Variants in RPAIN observed in about 807,000 individuals in gnomAD.
The protein encoded by RPAIN is RPA interacting protein.
RPAIN carries 29 observed loss-of-function variants against 30.5 expected under a neutral mutation model. The observed-to-expected ratio is 0.95, with a 90% confidence interval of 0.71 to 1.30. The LOEUF (loss-of-function observed/expected upper bound fraction) is 1.30. RPAIN is among the 50% of genes most tolerant of loss of function. The pLI is 0.00. For missense variants in RPAIN, 247 were observed against 264.7 expected, an observed-to-expected ratio of 0.93 and a Z score of 0.46; for synonymous variants, 101 against 93.5, an observed-to-expected ratio of 1.08 and a Z score of -0.46.
chr17:5,426,387 T>C (rs1211362724), intron 5 of RPAIN, 88 bp downstream of exon 5: 12 of 1,126,386 alleles, frequency 1.1e-5, no homozygotes, highest in Admixed American at 1.7e-5. Context: ...TTGGAGCCCA[T>C]TGTGCATATT....
chr17:5,422,218 C>G (rs1300768131), intron 2 of RPAIN, among the ~76,000 whole-genome samples: 3 of 152,138 alleles, frequency 2.0e-5, no homozygotes, highest in African/African-American at 7.2e-5. Flanking sequence ...TTCAGTTTGC[C>G]TCTTTGAGGT....
At chr17:5,432,377 C>T in intron 6 of RPAIN, 165 bp from the exon 7 acceptor site, 1 of 642,568 alleles carries the variant, frequency 1.6e-6, no homozygotes, top group South Asian at 1.9e-5. Context: ...TCCAGCAATG[C>T]CAAAGAGGGG....
chr17:5,432,443 T>G lies in RPAIN; in HGVS notation c.631-99T>G. The G allele has an allele frequency of 3.6e-6, 4 of 1,118,984 alleles. No individual in the cohort carries two copies. In the Admixed American group the frequency reaches 6.9e-5, roughly 19 times the overall value. The allele number at this position is 1,118,984 out of a possible 1,614,324, so 69.3% of individuals were successfully genotyped here. A position where few individuals can be genotyped will look rare whatever the true frequency, so the allele number is the denominator to read the frequency against. The stretch of plus-strand genomic sequence containing the variant: ...TAATTGAAACTGGACTCAGGAGACC[T>G]CATCTAATGTGTAGAATTCTCATTG... On this transcript the variant is annotated intron_variant, in intron 6 of 6. Coordinates refer to ENST00000381209, the MANE Select transcript of RPAIN (RefSeq NM_001033002.4).
At chr17:5,426,602 A>C in intron 5 of RPAIN, 2 of 285,852 alleles carry the variant, frequency 7.0e-6, no homozygotes, top group Non-Finnish European at 1.3e-5. Context: ...TTTTCTATAT[A>C]TGAAGACATA....
rs896402878 is a variant in RPAIN, at chr17:5,426,479, G to A, written c.489+180G>A. On this transcript the variant is annotated intron_variant, in intron 5 of 6. Transcript: ENST00000381209. ...GAGAATATCTATGGCATGAAAATTG[G>A]CAAACAGTACACATCAGAGCCTTTA... is the stretch of plus-strand genomic sequence containing the variant. 2.8e-5 allele frequency: 18 copies of A among 644,332 alleles called. No individual in the cohort carries two copies. The African/African-American group carries it at 2.9e-4, about 10-fold the overall frequency. 39.9% of individuals were successfully genotyped at this position (644,332 alleles called of 1,614,324 possible).
Position 5,432,589 on chromosome 17 carries a change from A to G in RPAIN, c.*18A>G. 2.5e-6 allele frequency: 4 copies of G among 1,612,608 alleles called. No homozygotes were observed. The highest frequency in any genetic ancestry group is 2.2e-5 in the East Asian group (1 of 44,882). ...TCCTCTAGAGCCAGCTTGGACTCAC[A>G]TCATTCTATGGGGTTGAAGACAACT... On this transcript the variant is annotated 3_prime_UTR_variant, in exon 7 of 7. Transcript: ENST00000381209.
In RPAIN at chr17:5,428,165, T is replaced by A; in HGVS notation, c.584T>A (p.Val195Asp). 1 of 1,614,174 alleles carries A rather than the reference T, an allele frequency of 6.2e-7. No homozygotes were observed. The highest frequency in any genetic ancestry group is 8.5e-7 in the Non-Finnish European group (1 of 1,180,026). Reference sequence around the variant, plus strand: ...TGTCCCCACACACCTGAATTTTCAGTCACTGGAGGAACAGAAGAAAAGTCC... The same window carrying A: ...TGTCCCCACACACCTGAATTTTCAGACACTGGAGGAACAGAAGAAAAGTCC... The part of the protein sequence containing the change: ...AHCPHTPEFS[V>D]TGGTEEKSSL... The change falls in exon 6 of 7, where the codon GTC (valine) becomes GAC (aspartate). Residue 195 changes from valine to aspartate, a missense_variant. Transcript: ENST00000381209.
chr17:5,422,882 T>C, intron 3 of RPAIN, 53 bp downstream of exon 3: 1 of 1,378,326 alleles, frequency 7.3e-7, no homozygotes, highest in Non-Finnish European at 1.0e-6. Context: ...TGGAATACTG[T>C]GACCTTTCCT....
rs1915026134 is a variant in RPAIN, at chr17:5,423,028, T to G, written c.313+199T>G. On this transcript the variant is annotated intron_variant, in intron 3 of 6. Transcript: ENST00000381209. Reference sequence around the variant, plus strand: ...GTCTCCAGGGTGCTAGACCTTGTGCTAAGAACTTCTCATTTAATGATGCTG... The same window carrying G: ...GTCTCCAGGGTGCTAGACCTTGTGCGAAGAACTTCTCATTTAATGATGCTG... 1.9e-5 allele frequency: 9 copies of G among 477,010 alleles called. No homozygotes were observed. The South Asian group carries it at 3.6e-4, about 19-fold the overall frequency. The allele number at this position is 477,010 out of a possible 1,614,324, so 29.5% of individuals were successfully genotyped here.
At chr17:5,424,012 G>A (rs1248988613) in intron 3 of RPAIN, among the ~76,000 whole-genome samples, 1 of 146,682 alleles carries the variant, frequency 6.8e-6, no homozygotes, top group African/African-American at 2.5e-5. Flanking sequence ...TTTTGAGATA[G>A]GTTCTTGCTC....
At chr17:5,431,680 G>A (rs1915967499) in intron 6 of RPAIN, 2 of 454,412 alleles carry the variant, frequency 4.4e-6, no homozygotes, top group African/African-American at 2.0e-5. Flanking sequence ...AGATGGCTGA[G>A]GATGTGTTGA....
At position 5,420,188 on chromosome 17, in the gene RPAIN, G is replaced by T. The variant is rs750747798; in HGVS notation, c.-23G>T. On this transcript the variant is annotated 5_prime_UTR_variant, in exon 1 of 7. Transcript: ENST00000381209. ...GCGCCTCCAGGGAACGGGTCTTGTG[G>T]CTTTGTCTCCCGCGAAGAGGAGATG... 6.2e-6 allele frequency: 10 copies of T among 1,612,572 alleles called. No homozygotes were observed. The highest frequency in any genetic ancestry group is 1.7e-5 in the Admixed American group (1 of 59,918).
At chr17:5,427,639 C>G (rs4790772) in intron 5 of RPAIN, 43,387 of 158,020 alleles carry the variant, frequency 0.27, 7,308 homozygotes, top group East Asian at 0.82. Flanking sequence ...CTACTTATCA[C>G]TATAAAAATA....
chr17:5,430,573 G>A (rs1489920875), intron 6 of RPAIN: 1 of 152,244 alleles, frequency 6.6e-6, no homozygotes, highest in Non-Finnish European at 1.5e-5. Context: ...TGGCAGAGGG[G>A]AACTGGCCAG....
At chr17:5,429,661 A>T (rs1674714908) in intron 6 of RPAIN, 2 of 985,304 alleles carry the variant, frequency 2.0e-6, no homozygotes, top group African/African-American at 3.5e-5. Context: ...CTTCCTGTTG[A>T]CTACAAGCAT....
In RPAIN at chr17:5,432,751, G is replaced by T; in HGVS notation, c.*180G>T. ...GTCTTTTGTGACGCAGGTTGAAGGG[G>T]GAGGAATAGAAAAAGACAAACTGCC... On this transcript the variant is annotated 3_prime_UTR_variant, in exon 7 of 7. Coordinates refer to ENST00000381209, the MANE Select transcript of RPAIN (RefSeq NM_001033002.4). 2 of 763,882 alleles carry T rather than the reference G, an allele frequency of 2.6e-6. No individual in the cohort carries two copies. The highest frequency in any genetic ancestry group is 4.0e-6 in the Non-Finnish European group (2 of 494,936). 47.3% of individuals were successfully genotyped at this position (763,882 alleles called of 1,614,324 possible).
chr17:5,423,746 G>C (rs987270752), intron 3 of RPAIN, among the ~76,000 whole-genome samples: 1 of 151,962 alleles, frequency 6.6e-6, no homozygotes, highest in African/African-American at 2.4e-5. Context: ...GATTTGATTA[G>C]GCCTTGTTTG....
chr17:5,431,546 A>T, intron 6 of RPAIN: 2 of 442,706 alleles, frequency 4.5e-6, no homozygotes, highest in Non-Finnish European at 9.0e-6. Context: ...CTTGAGTTCA[A>T]CATTTGGAAA....
chr17:5,424,343 C>G (rs1251620398), intron 3 of RPAIN, among the ~76,000 whole-genome samples: 2 of 152,124 alleles, frequency 1.3e-5, no homozygotes, highest in African/African-American at 4.8e-5. Flanking sequence ...GTTGCCTAGG[C>G]TGGTCTCAAA....
Sources: allele counts gnomAD v4.1 joint callset (sites outside exome capture counted in the v4.1 genomes callset), GRCh38; gene constraint gnomAD v4.1.1; transcripts MANE v1.5; gene names NCBI Gene and HGNC (gene_info 2026-07-23, HGNC 2026-07-21).